ASTN1: variants seen among roughly 807,000 people sequenced by gnomAD.
The protein encoded by ASTN1 is astrotactin-1.
Under a neutral mutation model 140.7 loss-of-function variants are expected in ASTN1, and 41 were observed. That is an observed-to-expected ratio of 0.29 (90% CI 0.23 to 0.38). The LOEUF is 0.38. ASTN1 is among the 10% of genes least tolerant of loss of function. The pLI is 1.00. For missense variants in ASTN1, 1,479 were observed against 1,678.8 expected, an observed-to-expected ratio of 0.88 and a Z score of 2.08; for synonymous variants, 640 against 652.2, an observed-to-expected ratio of 0.98 and a Z score of 0.29.
At chr1:176,933,117 C>T (rs2103089928) in intron 16 of ASTN1, among the ~76,000 whole-genome samples, 1 of 152,326 alleles carries the variant, frequency 6.6e-6, no homozygotes, top group Middle Eastern at 3.4e-3. Context: ...GTAGCCCAGA[C>T]ACAAATCTCT....
At chr1:177,007,230 C>G (rs371737930) in intron 8 of ASTN1, among the ~76,000 whole-genome samples, 1 of 152,000 alleles carries the variant, frequency 6.6e-6, no homozygotes, top group African/African-American at 2.4e-5. Context: ...CCTGTCTCTA[C>G]TAAAAATACA....
chr1:177,013,656 T>C (rs1675403782), intron 8 of ASTN1, among the ~76,000 whole-genome samples: 1 of 152,164 alleles, frequency 6.6e-6, no homozygotes, highest in Admixed American at 6.5e-5. Flanking sequence ...TGAAATGACA[T>C]TGGTTTCTTT....
intron 21 of ASTN1, among the ~76,000 whole-genome samples, chr1:176,874,729 T>G (rs1000672882): frequency 5.9e-5 from 9 of 152,224 alleles, no homozygotes; most frequent in African/African-American, 2.2e-4. Flanking sequence ...CACTGGGTGG[T>G]TTTTTTCTAT....
chr1:177,148,651 C>CT (rs1038061114), intron 1 of ASTN1, among the ~76,000 whole-genome samples: 49 of 144,718 alleles, frequency 3.4e-4, no homozygotes, highest in East Asian at 1.4e-3. Flanking sequence ...AATGCACTAG[C>CT]TTTTTTTTTT....
chr1:177,018,404 A>T (rs1387162972), intron 7 of ASTN1, among the ~76,000 whole-genome samples: 1 of 152,234 alleles, frequency 6.6e-6, no homozygotes, highest in Non-Finnish European at 1.5e-5. Context: ...AGAGAGAGAC[A>T]GCGGTTCAGA....
intron 17 of ASTN1, 78 bp from the exon 18 acceptor site, chr1:176,888,282 A>G: frequency 6.5e-7 from 1 of 1,542,460 alleles, no homozygotes; most frequent in Non-Finnish European, 8.9e-7. Context: ...CAGAGTGTCA[A>G]GGATCTGCAT....
chr1:177,018,063 T>C (rs1191556212), intron 7 of ASTN1, among the ~76,000 whole-genome samples: 1 of 152,150 alleles, frequency 6.6e-6, no homozygotes, highest in Non-Finnish European at 1.5e-5. Flanking sequence ...GGTGTGCTCC[T>C]TCTAAAAAGG....
intron 1 of ASTN1, among the ~76,000 whole-genome samples, chr1:177,095,910 G>T (rs892940292): frequency 5.9e-5 from 9 of 152,184 alleles, no homozygotes; most frequent in Admixed American, 1.3e-4. Context: ...AGCCATGGGG[G>T]AATGGCTGCC....
intron 1 of ASTN1, among the ~76,000 whole-genome samples, chr1:177,114,361 T>C (rs1399029850): frequency 6.6e-6 from 1 of 152,188 alleles, no homozygotes; most frequent in East Asian, 1.9e-4. Flanking sequence ...TTGTTTTTCC[T>C]ATTAGAGCAG....
intron 16 of ASTN1, among the ~76,000 whole-genome samples, chr1:176,903,086 A>G (rs1319361352): frequency 6.6e-6 from 1 of 152,160 alleles, no homozygotes; most frequent in Admixed American, 6.6e-5. Context: ...AGCAAAGGGG[A>G]TTTAGCCTAA....
chr1:176,883,894 T>A (rs1668913893), intron 19 of ASTN1, among the ~76,000 whole-genome samples: 1 of 152,184 alleles, frequency 6.6e-6, no homozygotes, highest in Non-Finnish European at 1.5e-5. Flanking sequence ...GGAAAAGACA[T>A]GGGCCAAACA....
intron 1 of ASTN1, among the ~76,000 whole-genome samples, chr1:177,140,156 G>A (rs887663289): frequency 1.3e-5 from 2 of 152,206 alleles, no homozygotes; most frequent in Non-Finnish European, 2.9e-5. Flanking sequence ...TCATCAAAGC[G>A]ATGCTACAGG....
Position 176,888,077 on chromosome 1 carries a change from T to A in ASTN1, c.3068A>T (p.Gln1023Leu), listed in dbSNP as rs1474822210. The A allele has an allele frequency of 1.9e-6, 3 of 1,614,122 alleles. No homozygotes were observed. Among genetic ancestry groups the A allele is most frequent in the Non-Finnish European group, 2.5e-6 (3 of 1,180,022 alleles). Residue 1023 changes from glutamine (Q) to leucine (L), a missense_variant, in exon 18 of 23, where the codon CAG becomes CTG. Coordinates refer to ENST00000361833, the MANE Select transcript of ASTN1 (RefSeq NM_004319.3). Reference sequence around the variant, plus strand: ...GAGAGAAAGAGAACCATACACAGGCTGTGGGAGAGGCGCACAGGTGGGGAG... The same window carrying A: ...GAGAGAAAGAGAACCATACACAGGCAGTGGGAGAGGCGCACAGGTGGGGAG... ...DGLPTCAPLP[Q>L]PVLRLSTVHE...
rs143204688 is a variant in ASTN1, at chr1:176,882,921, C to A, written c.3300G>T (p.Pro1100=). 6.2e-7 allele frequency: 1 copy of A among 1,614,076 alleles called. No homozygotes were observed. Among genetic ancestry groups the A allele is most frequent in the Non-Finnish European group, 8.5e-7 (1 of 1,180,012 alleles). The change falls in exon 20 of 23, where the codon CCG becomes CCT. Residue 1100 remains proline (P), a synonymous_variant. Transcript: ENST00000361833. ...KSPCAMPSQV[P]DKQLTTISLI... Reference sequence around the variant, plus strand: ...GAGAGATGGTGGTGAGCTGCTTGTCCGGCACCTGAGATGGCATTGCACAAG... The same window carrying A: ...GAGAGATGGTGGTGAGCTGCTTGTCAGGCACCTGAGATGGCATTGCACAAG...
intron 2 of ASTN1, among the ~76,000 whole-genome samples, chr1:177,054,380 TTCTCCTAACA>T (rs774903668): frequency 3.9e-5 from 6 of 152,350 alleles, no homozygotes; most frequent in Admixed American, 2.0e-4. Flanking sequence ...TATATTTTGA[TTCTCCTAACA>T]TCTCCTAACA....
At chr1:176,934,477 G>A (rs1671347002) in intron 15 of ASTN1, 137 bp from the exon 16 acceptor site, 1 of 803,788 alleles carries the variant, frequency 1.2e-6, no homozygotes, top group African/African-American at 1.7e-5. Context: ...GAAGTGTCTG[G>A]TGAATGTTTC....
At chr1:177,082,620 A>G (rs1340609550) in intron 1 of ASTN1, among the ~76,000 whole-genome samples, 1 of 152,182 alleles carries the variant, frequency 6.6e-6, no homozygotes, top group Non-Finnish European at 1.5e-5. Context: ...GGCCCTTCGC[A>G]TGCCTTCAAA....
intron 1 of ASTN1, among the ~76,000 whole-genome samples, chr1:177,091,870 T>C (rs1679771193): frequency 6.6e-6 from 1 of 152,200 alleles, no homozygotes; most frequent in Non-Finnish European, 1.5e-5. Context: ...GGCACTTCAC[T>C]TTTATGGCCA....
chr1:177,097,808 G>T (rs1680097085), intron 1 of ASTN1, among the ~76,000 whole-genome samples: 1 of 152,060 alleles, frequency 6.6e-6, no homozygotes, highest in Non-Finnish European at 1.5e-5. Context: ...ATCATCAGTG[G>T]TCAATAATTT....
Sources: allele counts gnomAD v4.1 joint callset (sites outside exome capture counted in the v4.1 genomes callset), GRCh38; gene constraint gnomAD v4.1.1; transcripts MANE v1.5; gene names NCBI Gene and HGNC (gene_info 2026-07-23, HGNC 2026-07-21).